NPIPB13: variants seen among roughly 807,000 people sequenced by gnomAD.
NPIPB13 encodes the protein nuclear pore complex interacting protein family, member B13.
At chr16:30,244,485 G>C in intron 2 of NPIPB13, among the ~76,000 whole-genome samples, 1 of 828 alleles carries the variant, frequency 1.2e-3, no homozygotes. Context: ...AAAAATATAT[G>C]TGTGTGTGTG....
intron 2 of NPIPB13, among the ~76,000 whole-genome samples, chr16:30,238,652 G>A (rs1254674114): frequency 9.1e-4 from 10 of 11,004 alleles, no homozygotes; most frequent in African/African-American, 5.2e-3. Context: ...CAGCCTGGGC[G>A]ACAGAGCGAG....
At chr16:30,241,877 T>G (rs1596940832) in intron 2 of NPIPB13, among the ~76,000 whole-genome samples, 1 of 66,278 alleles carries the variant, frequency 1.5e-5, no homozygotes. Flanking sequence ...GTTGTGGTGG[T>G]TGTAAAAGGA....
chr16:30,240,899 GGACA>G lies in NPIPB13; in HGVS notation c.120+4551_120+4554del, dbSNP rs1369039825. Among the ~76,000 whole-genome samples, 19 of 101,130 alleles carry G rather than the reference GGACA, an allele frequency of 1.9e-4. No individual in the cohort carries two copies. In the Admixed American group the frequency reaches 1.9e-3, roughly 10 times the overall value. The allele number at this position is 101,130 out of a possible 152,430, so 66.3% of individuals were successfully genotyped here. ...GCAGGACCCAGGGGCCTGGTGACCA[GGACA>G]GACCCCCACTGTCCATCAACTTTCC... is the stretch of plus-strand genomic sequence containing the variant. On this transcript the variant is annotated intron_variant, in intron 2 of 7. Transcript: ENST00000520915.
intron 3 of NPIPB13, among the ~76,000 whole-genome samples, chr16:30,232,249 G>A (rs2073556139): frequency 1.6e-5 from 1 of 61,780 alleles, no homozygotes. Context: ...CGGATCACCT[G>A]AGGTCGGGAG....
rs1360085862 is a variant in NPIPB13 at position 30,232,764 on chromosome 16, CAA to C, written c.250-919_250-918del. Among the ~76,000 whole-genome samples, 46 of 13,806 alleles carry C rather than the reference CAA, an allele frequency of 3.3e-3. No homozygotes were observed. In the South Asian group the frequency reaches 0.039, roughly 12 times the overall value. 9.1% of individuals were successfully genotyped at this position (13,806 alleles called of 152,430 possible). On this transcript the variant is annotated intron_variant, in intron 3 of 7. Coordinates refer to ENST00000520915, the Ensembl canonical transcript of NPIPB13. ...CTGGTGACAGAGTGAGAATCCGTCT[CAA>C]AAAAAAAAAAAAAAAAAATGACATG...
chr16:30,232,372 G>A (rs2073557676), intron 3 of NPIPB13, among the ~76,000 whole-genome samples: 1 of 123,470 alleles, frequency 8.1e-6, no homozygotes, highest in South Asian at 2.4e-4. Context: ...GCTGAGGCAG[G>A]AGAATCACTT....
intron 3 of NPIPB13, among the ~76,000 whole-genome samples, chr16:30,232,542 T>C (rs1430529018): frequency 3.9e-5 from 3 of 77,782 alleles, no homozygotes; most frequent in Non-Finnish European, 9.5e-5. Context: ...CCGAGGCAGG[T>C]GAATCACAAG....
intron 5 of NPIPB13, among the ~76,000 whole-genome samples, chr16:30,228,721 C>CA (rs2073533906): frequency 7.7e-6 from 1 of 129,710 alleles, no homozygotes; most frequent in South Asian, 3.1e-4. Flanking sequence ...TTCATAGTTC[C>CA]ATAGTTAGTC....
chr16:30,232,548 A>G (rs1212655578), intron 3 of NPIPB13, among the ~76,000 whole-genome samples: 2 of 93,096 alleles, frequency 2.1e-5, no homozygotes, highest in African/African-American at 6.4e-5. Context: ...CAGGTGAATC[A>G]CAAGGTCAAG....
chr16:30,232,804 A>G (rs1480211914), intron 3 of NPIPB13, among the ~76,000 whole-genome samples: 1 of 44,450 alleles, frequency 2.2e-5, no homozygotes, highest in African/African-American at 5.5e-5. Context: ...TATACTTCAC[A>G]CAACTGAACT....
chr16:30,231,197 A>AG (rs1342553373), intron 5 of NPIPB13, among the ~76,000 whole-genome samples: 1 of 19,418 alleles, frequency 5.1e-5, no homozygotes, highest in Non-Finnish European at 1.0e-4. Flanking sequence ...AAAAAAAAAA[A>AG]AGAGAAAGGA....
exon 8 of NPIPB13, chr16:30,224,082 G>A: frequency 0.011 from 13 of 1,146 alleles, no homozygotes; most frequent in South Asian, 0.028. Context: ...GCAGACGCTC[G>A]GCAGGTGTCT....
chr16:30,244,483 ATGTGTGTGTGTGTGTGTG>A (rs71259255), intron 2 of NPIPB13, among the ~76,000 whole-genome samples: 1 of 89,418 alleles, frequency 1.1e-5, no homozygotes, highest in Non-Finnish European at 2.2e-5. Flanking sequence ...CAAAAAATAT[ATGTGTGTGTGTGTGTGTG>A]TGTGTGTGTG....
intron 2 of NPIPB13, among the ~76,000 whole-genome samples, chr16:30,244,478 AAT>A (rs1555492789): frequency 1.7e-4 from 10 of 59,646 alleles, no homozygotes; most frequent in African/African-American, 3.0e-4. Context: ...TGTCTCAAAA[AAT>A]ATATGTGTGT....
intron 2 of NPIPB13, among the ~76,000 whole-genome samples, chr16:30,238,118 C>CA (rs2073578633): frequency 8.9e-6 from 1 of 112,552 alleles, no homozygotes; most frequent in Admixed American, 7.9e-5. Context: ...ACTAAAAATA[C>CA]AAAATTAGCT....
intron 3 of NPIPB13, among the ~76,000 whole-genome samples, chr16:30,232,403 G>C (rs1347787045): frequency 3.6e-5 from 5 of 139,890 alleles, no homozygotes; most frequent in Non-Finnish European, 6.4e-5. Flanking sequence ...GGAAAAGCTT[G>C]TGGTGAGCTG....
chr16:30,232,516 C>A (rs2073560109), intron 3 of NPIPB13, among the ~76,000 whole-genome samples: 1 of 132,924 alleles, frequency 7.5e-6, no homozygotes, highest in Non-Finnish European at 1.7e-5. Flanking sequence ...GCCTGTAATC[C>A]CAGCACTTTG....
At chr16:30,244,533 GTGTGTATC>G (rs1567385938) in intron 2 of NPIPB13, among the ~76,000 whole-genome samples, 2 of 61,150 alleles carry the variant, frequency 3.3e-5, no homozygotes, top group African/African-American at 1.1e-4. Flanking sequence ...GTGTGTGTGT[GTGTGTATC>G]TATATAAATC....
intron 2 of NPIPB13, among the ~76,000 whole-genome samples, chr16:30,244,483 A>ATGTGTGTGTG (rs71259255): frequency 1.0e-4 from 9 of 89,400 alleles, no homozygotes; most frequent in African/African-American, 3.5e-4. Context: ...CAAAAAATAT[A>ATGTGTGTGTG]TGTGTGTGTG....
Sources: allele counts gnomAD v4.1 joint callset (sites outside exome capture counted in the v4.1 genomes callset), GRCh38; gene constraint gnomAD v4.1.1; transcripts MANE v1.5; gene names NCBI Gene and HGNC (gene_info 2026-07-23, HGNC 2026-07-21).